RAPGEF4: variants seen among roughly 807,000 people sequenced by gnomAD.
RAPGEF4 encodes Rap guanine nucleotide exchange factor 4, also known as RAP guanine-nucleotide-exchange factor (GEF) 4.
RAPGEF4 carries 66 observed loss-of-function variants against 147.9 expected under a neutral mutation model. That is an observed-to-expected ratio of 0.45 (90% confidence interval 0.37 to 0.55). The LOEUF is 0.55. Ranked by LOEUF, RAPGEF4 falls within the 20% of genes least tolerant of loss-of-function variation. The probability of loss-of-function intolerance (pLI) is 0.00; values close to 1 mark genes in which losing one functional copy is unlikely to be tolerated. For missense variants in RAPGEF4, 1,071 were observed against 1,257.3 expected (o/e 0.85, Z 2.24); for synonymous variants, 419 against 442.7 (o/e 0.95, Z 0.67).
chr2:172,908,404 C>A (rs140994493), intron 4 of RAPGEF4, among the ~76,000 whole-genome samples: 200 of 152,316 alleles, frequency 1.3e-3, no homozygotes, highest in African/African-American at 4.5e-3. Flanking sequence ...TGTGATGCAT[C>A]TCAGTTAAAT....
intron 27 of RAPGEF4, among the ~76,000 whole-genome samples, chr2:173,035,511 CAAAAA>C (rs926764976): frequency 1.5e-5 from 1 of 65,460 alleles, no homozygotes; most frequent in African/African-American, 5.9e-5. Context: ...ACTCTGTCTC[CAAAAA>C]AAAAAAAAAA....
At chr2:172,914,499 G>A (rs144256201) in intron 4 of RAPGEF4, among the ~76,000 whole-genome samples, 37 of 150,924 alleles carry the variant, frequency 2.5e-4, no homozygotes, top group African/African-American at 8.5e-4. Flanking sequence ...ACGCCCTGCC[G>A]GAAATATGCA....
At chr2:172,798,657 C>A (rs1009524652) in intron 3 of RAPGEF4, among the ~76,000 whole-genome samples, 29 of 101,808 alleles carry the variant, frequency 2.8e-4, no homozygotes, top group African/African-American at 9.6e-4. Flanking sequence ...TCATAGGTAG[C>A]ACACTTCAAA....
intron 1 of RAPGEF4, among the ~76,000 whole-genome samples, chr2:172,790,935 T>G (rs1392614347): frequency 1.3e-5 from 2 of 152,108 alleles, no homozygotes; most frequent in African/African-American, 4.8e-5. Context: ...GAACAGAAAT[T>G]TATTTCTCAC....
At chr2:172,981,875 CA>C (rs1425453951) in intron 10 of RAPGEF4, among the ~76,000 whole-genome samples, 2 of 152,202 alleles carry the variant, frequency 1.3e-5, no homozygotes, top group East Asian at 3.8e-4. Context: ...AGCTAAGTTT[CA>C]GATGTACTCT....
At chr2:172,736,128 G>T (rs1265093373) in intron 1 of RAPGEF4, 80 bp downstream of exon 1, 9 of 1,166,326 alleles carry the variant, frequency 7.7e-6, no homozygotes, top group African/African-American at 3.3e-5. Flanking sequence ...CTCCGCACCT[G>T]GGCGCAGCGC....
At chr2:173,045,771 T>C (rs1443294332) in intron 29 of RAPGEF4, among the ~76,000 whole-genome samples, 1 of 152,226 alleles carries the variant, frequency 6.6e-6, no homozygotes, top group African/African-American at 2.4e-5. Flanking sequence ...GAGTTACTCA[T>C]TGCTGGATGC....
At chr2:172,775,774 T>A (rs1028746316) in intron 1 of RAPGEF4, among the ~76,000 whole-genome samples, 1 of 152,172 alleles carries the variant, frequency 6.6e-6, no homozygotes, top group Admixed American at 6.5e-5. Flanking sequence ...CTACCTCAGA[T>A]TTATTTAAGT....
At chr2:172,980,504 T>C (rs937603659) in intron 10 of RAPGEF4, among the ~76,000 whole-genome samples, 2 of 151,986 alleles carry the variant, frequency 1.3e-5, no homozygotes, top group Admixed American at 1.3e-4. Context: ...AGGAGAAATG[T>C]TCAATAAAGC....
rs1232110925 is a variant in RAPGEF4, at chr2:172,736,063, G to A, written c.65+15G>A. On this transcript the variant is annotated intron_variant, in intron 1 of 30. Transcript: ENST00000397081. ...CTGGATAAAAGGTAGCTCGCCGGGG[G>A]CCGCAGCCGGGGGCCGAGCTCTGCG... 13 of 1,459,372 alleles carry A rather than the reference G, an allele frequency of 8.9e-6. No homozygotes were observed. The highest frequency in any genetic ancestry group is 1.5e-5 in the African/African-American group (1 of 67,528). 90.4% of individuals were successfully genotyped at this position (1,459,372 alleles called of 1,614,324 possible). A position where few individuals can be genotyped will look rare whatever the true frequency, so the allele number is the denominator to read the frequency against.
rs190395559 is a variant in RAPGEF4, at chr2:173,000,607, C to G, written c.1580-659C>G. 2.6e-5 allele frequency among the ~76,000 whole-genome samples: 4 copies of G among 152,308 alleles called. No homozygotes were observed. The East Asian group carries it at 7.7e-4, about 29-fold the overall frequency. On this transcript the variant is annotated intron_variant, in intron 16 of 30. Coordinates refer to ENST00000397081, the MANE Select transcript of RAPGEF4 (RefSeq NM_007023.4). ...ACCTGCCTTACTTCCCTTGCCAACC[C>G]CCTGCTTCCTTACCTACAAAATAGT...
intron 4 of RAPGEF4, among the ~76,000 whole-genome samples, chr2:172,848,297 G>T (rs959417693): frequency 5.3e-5 from 8 of 151,870 alleles, no homozygotes; most frequent in Non-Finnish European, 1.0e-4. Context: ...TTCTTCCCCC[G>T]CCAGCCCCTT....
At chr2:173,050,750 T>G (rs1346608399) in intron 30 of RAPGEF4, among the ~76,000 whole-genome samples, 2 of 124,206 alleles carry the variant, frequency 1.6e-5, no homozygotes, top group African/African-American at 6.1e-5. Flanking sequence ...GATTTCCCAT[T>G]TCTTAACAAA....
chr2:172,823,307 G>A (rs1450557753), intron 4 of RAPGEF4, among the ~76,000 whole-genome samples: 1 of 152,218 alleles, frequency 6.6e-6, no homozygotes, highest in Non-Finnish European at 1.5e-5. Context: ...TGTGTTGTGT[G>A]GCACTCTGGG....
chr2:172,915,924 T>C (rs1684027623), intron 4 of RAPGEF4, among the ~76,000 whole-genome samples: 1 of 152,194 alleles, frequency 6.6e-6, no homozygotes. Context: ...CAAGACATAG[T>C]TCCCTGTGTT....
intron 6 of RAPGEF4, among the ~76,000 whole-genome samples, chr2:172,922,544 G>T (rs1369942370): frequency 6.6e-6 from 1 of 152,210 alleles, no homozygotes; most frequent in Non-Finnish European, 1.5e-5. Flanking sequence ...TATTCTAGGG[G>T]CAAATGCTAC....
chr2:172,953,056 C>G (rs1246121648), intron 6 of RAPGEF4, among the ~76,000 whole-genome samples: 1 of 152,082 alleles, frequency 6.6e-6, no homozygotes, highest in Non-Finnish European at 1.5e-5. Flanking sequence ...GTTTTACAGA[C>G]TCACCATGCA....
At chr2:172,820,492 G>A (rs1189303183) in intron 4 of RAPGEF4, among the ~76,000 whole-genome samples, 1 of 152,196 alleles carries the variant, frequency 6.6e-6, no homozygotes, top group Non-Finnish European at 1.5e-5. Flanking sequence ...AGCTGTGATT[G>A]TTATCTGGGA....
intron 1 of RAPGEF4, among the ~76,000 whole-genome samples, chr2:172,760,608 C>T (rs1422651313): frequency 6.6e-6 from 1 of 151,732 alleles, no homozygotes; most frequent in Non-Finnish European, 1.5e-5. Context: ...GTCCCAGCTA[C>T]TTGGGAGGCT....
Sources: allele counts gnomAD v4.1 joint callset (sites outside exome capture counted in the v4.1 genomes callset), GRCh38; gene constraint gnomAD v4.1.1; transcripts MANE v1.5; gene names NCBI Gene and HGNC (gene_info 2026-07-23, HGNC 2026-07-21).